The following L3HYPDH variants were observed in gnomAD, a reference collection of about 807,000 sequenced individuals.
L3HYPDH encodes the protein trans-3-hydroxy-L-proline dehydratase.
A neutral mutation model predicts 26.5 loss-of-function variants in L3HYPDH; 32 were observed. The observed-to-expected ratio is 1.21, with a 90% CI of 0.91 to 1.62. L3HYPDH has a LOEUF of 1.62. Ranked by LOEUF, L3HYPDH falls within the 40% of genes most tolerant of loss-of-function variation. L3HYPDH has a pLI of 0.00. For synonymous variants in L3HYPDH, 215 were observed against 196.6 expected (o/e 1.09, Z -0.78); for missense variants, 554 against 476.4 (o/e 1.16, Z -1.52).
the L3HYPDH span, chr14:59,504,318 T>TG: frequency 4.2e-6 from 2 of 480,282 alleles, no homozygotes; most frequent in Non-Finnish European, 7.4e-6. Flanking sequence ...AGGAAGCCCT[T>TG]GCTTCTCTCA....
chr14:59,475,118 C>G (rs1333740045), intron 4 of L3HYPDH: 1 of 151,986 alleles, frequency 6.6e-6, no homozygotes, highest in Non-Finnish European at 1.5e-5. Flanking sequence ...AAATTTTATT[C>G]CATTACAAAA....
At chr14:59,487,723 G>T, upstream of L3HYPDH, 1 of 1,613,316 alleles carries the variant, frequency 6.2e-7, no homozygotes, top group East Asian at 2.2e-5. Flanking sequence ...TGTCAGCCTT[G>T]CACAGAATCT....
intron 1 of L3HYPDH, among the ~76,000 whole-genome samples, chr14:59,479,652 G>A (rs923126864): frequency 6.6e-6 from 1 of 152,116 alleles, no homozygotes; most frequent in Non-Finnish European, 1.5e-5. Flanking sequence ...CACCCCTGAG[G>A]CCGAGAGAGG....
At chr14:59,475,603 G>C (rs1889572669) in intron 4 of L3HYPDH, among the ~76,000 whole-genome samples, 1 of 152,046 alleles carries the variant, frequency 6.6e-6, no homozygotes, top group South Asian at 2.1e-4. Flanking sequence ...GTACACTCTT[G>C]AGAGAATGAG....
At position 59,482,949 on chromosome 14, in the gene L3HYPDH, T is replaced by C. The variant is rs150996593; in HGVS notation, c.508+860A>G. ...GGTAGTAGTCTGATGAGAAACCAGATGCCAGCTTGCCAGGTCATCCCTCCT... is the reference window on the plus strand; with the variant it reads ...GGTAGTAGTCTGATGAGAAACCAGACGCCAGCTTGCCAGGTCATCCCTCCT... On this transcript the variant is annotated intron_variant, in intron 1 of 4. Coordinates refer to ENST00000247194, the MANE Select transcript of L3HYPDH (RefSeq NM_144581.2). Among the ~76,000 whole-genome samples the C allele has an allele frequency of 3.8e-3, 581 of 152,346 alleles. 3 individuals are homozygous for C. The highest frequency in any genetic ancestry group is 0.019 in the South Asian group (90 of 4,828).
chr14:59,485,943 A>G (rs1890534201), upstream of L3HYPDH: 2 of 152,170 alleles, frequency 1.3e-5, no homozygotes, highest in South Asian at 2.1e-4. Flanking sequence ...CAATGAATGA[A>G]TGAAGGGAAT....
chr14:59,466,045 C>T (rs1889164196), intron 1 of L3HYPDH, among the ~76,000 whole-genome samples: 2 of 152,098 alleles, frequency 1.3e-5, no homozygotes, highest in Non-Finnish European at 2.9e-5. Flanking sequence ...AAGGATGGGC[C>T]CATGACTCTA....
At chr14:59,486,779 C>A (rs1391249155), upstream of L3HYPDH, 1 of 1,587,456 alleles carries the variant, frequency 6.3e-7, no homozygotes, top group East Asian at 2.3e-5. Flanking sequence ...AAAAATGGCT[C>A]AACTGAAATA....
At chr14:59,472,404 G>A (rs1889337229), downstream of L3HYPDH, among the ~76,000 whole-genome samples, 1 of 152,174 alleles carries the variant, frequency 6.6e-6, no homozygotes. Context: ...CAGTACCTGT[G>A]GATGTAGAAG....
In L3HYPDH at chr14:59,479,353, T is replaced by C; in HGVS notation, c.509-2A>G. The C allele has an allele frequency of 1.9e-6, 3 of 1,596,038 alleles. No individual in the cohort carries two copies. The highest frequency in any genetic ancestry group is 1.1e-5 in the South Asian group (1 of 88,470). ...GTCCAGGAACATCCACCATGAGATC[T>C]AAAAAAAAGATGTGTTTGGAAAGAA... is the stretch of plus-strand genomic sequence containing the variant. On this transcript the variant is annotated splice_acceptor_variant, in intron 1 of 4. Coordinates refer to ENST00000247194, the MANE Select transcript of L3HYPDH (RefSeq NM_144581.2). LOFTEE classifies it high-confidence loss of function.
chr14:59,490,350 C>G, the L3HYPDH span, among the ~76,000 whole-genome samples: 2 of 152,168 alleles, frequency 1.3e-5, no homozygotes, highest in African/African-American at 2.4e-5. Flanking sequence ...CCCACTAGGC[C>G]CCACCTCACT....
At chr14:59,478,093 A>C (rs954265906) in intron 2 of L3HYPDH, among the ~76,000 whole-genome samples, 1 of 152,208 alleles carries the variant, frequency 6.6e-6, no homozygotes, top group Non-Finnish European at 1.5e-5. Context: ...ATAGGAATTA[A>C]TGTTCTCTAT....
At chr14:59,466,006 A>G (rs4901927) in intron 1 of L3HYPDH, among the ~76,000 whole-genome samples, 60,756 of 152,016 alleles carry the variant, frequency 0.4, 12,988 homozygotes, top group African/African-American at 0.54. Flanking sequence ...GTTTCATAAA[A>G]TGCAGATTCC....
the L3HYPDH span, chr14:59,499,015 C>CT: frequency 0.028 from 3,580 of 127,054 alleles, 595 homozygotes; most frequent in African/African-American, 0.047. Context: ...TTGTTTAATC[C>CT]TTTTTTTTTT....
chr14:59,472,935 AAAAG>A lies in L3HYPDH; in HGVS notation c.*26_*29del. Reference sequence around the variant, plus strand: ...GTCCTTAAGGATAATGATTACTTTAAAAAGAAAGCCCTTAAAATCATGGAAGAAG... The same window carrying A: ...GTCCTTAAGGATAATGATTACTTTAAAAAGCCCTTAAAATCATGGAAGAAG... On this transcript the variant is annotated 3_prime_UTR_variant, in exon 5 of 5. Coordinates refer to ENST00000247194, the MANE Select transcript of L3HYPDH (RefSeq NM_144581.2). The A allele has an allele frequency of 6.4e-7, 1 of 1,556,708 alleles. No individual in the cohort carries two copies. The highest frequency in any genetic ancestry group is 8.6e-7 in the Non-Finnish European group (1 of 1,159,536).
chr14:59,474,196 G>A (rs889961502), intron 4 of L3HYPDH, among the ~76,000 whole-genome samples: 1 of 152,136 alleles, frequency 6.6e-6, no homozygotes, highest in Non-Finnish European at 1.5e-5. Context: ...AGGCTGGGGG[G>A]TAAGCCAAGG....
chr14:59,495,732 G>A, the L3HYPDH span, among the ~76,000 whole-genome samples: 1 of 152,070 alleles, frequency 6.6e-6, no homozygotes, highest in Non-Finnish European at 1.5e-5. Context: ...TAGAAGTCTG[G>A]TATTTATATT....
chr14:59,479,734 T>C (rs1009372367), intron 1 of L3HYPDH, among the ~76,000 whole-genome samples: 2 of 152,230 alleles, frequency 1.3e-5, no homozygotes, highest in Non-Finnish European at 2.9e-5. Flanking sequence ...TGAGAGATGG[T>C]TTAAAATAGT....
At chr14:59,494,665 G>A in the L3HYPDH span, among the ~76,000 whole-genome samples, 1 of 152,170 alleles carries the variant, frequency 6.6e-6, no homozygotes. Context: ...TATTGGGTAG[G>A]AGATGAGCTT....
Sources: gnomAD v4.1 joint callset for allele counts (sites outside exome capture counted in the v4.1 genomes callset) on GRCh38, gnomAD v4.1.1 for gene constraint, MANE v1.5 for transcripts, NCBI Gene and HGNC (gene_info 2026-07-23, HGNC 2026-07-21) for gene names.